Variants in YIF1A observed in about 807,000 individuals in gnomAD.
YIF1A encodes Yip1 interacting factor homolog A, membrane trafficking protein, also known as protein YIF1A.
A neutral mutation model predicts 32.6 loss-of-function variants in YIF1A; 28 were observed. The observed-to-expected ratio is 0.86, with a 90% CI of 0.64 to 1.18. The LOEUF (loss-of-function observed/expected upper bound fraction) is 1.18. YIF1A is among the 50% of genes most tolerant of loss of function. The pLI is 0.00. For synonymous variants in YIF1A, 175 were observed against 162.2 expected (o/e 1.08, Z -0.60); for missense variants, 373 against 390.8 (o/e 0.95, Z 0.38).
intron 4 of YIF1A, among the ~76,000 whole-genome samples, chr11:66,286,275 G>A (rs1278359006): frequency 3.3e-5 from 5 of 152,232 alleles, no homozygotes; most frequent in African/African-American, 1.2e-4. Flanking sequence ...GAGCCAGTGG[G>A]AGCCGGGCAT....
chr11:66,285,122 G>T, intron 6 of YIF1A, 156 bp from the exon 7 acceptor site: 1 of 886,996 alleles, frequency 1.1e-6, no homozygotes. Flanking sequence ...AAAGGGATAT[G>T]GAAGGCCCAG....
At chr11:66,287,292 C>T (rs1196412889) in intron 4 of YIF1A, 1 of 411,322 alleles carries the variant, frequency 2.4e-6, no homozygotes, top group Non-Finnish European at 4.5e-6. Flanking sequence ...AGCCTGAAAT[C>T]CCATAGCTGG....
At position 66,284,670 on chromosome 11, in the gene YIF1A, G is replaced by C; in HGVS notation, c.849C>G (p.Ile283Met). The change falls in exon 8 of 8, where the codon ATC (isoleucine) becomes ATG (methionine). Residue 283 changes from isoleucine to methionine, a missense_variant. By Grantham distance (10) the Ile-to-Met change is conservative. Coordinates refer to ENST00000376901, the MANE Select transcript of YIF1A (RefSeq NM_020470.3). The stretch of plus-strand genomic sequence containing the variant: ...CCAGGTGGAAAGTCAGCCAGTATAT[G>C]ATGAGGGGCTGGAAGGCTGCAGCTC... ...TLGAAAFQPL[I>M]IYWLTFHLVR 6.2e-7 allele frequency: 1 copy of C among 1,612,880 alleles called. No homozygotes were observed. Among genetic ancestry groups the C allele is most frequent in the Non-Finnish European group, 8.5e-7 (1 of 1,179,956 alleles).
intron 1 of YIF1A, 133 bp downstream of exon 1, chr11:66,288,822 C>G: frequency 9.3e-7 from 1 of 1,075,406 alleles, no homozygotes; most frequent in Non-Finnish European, 1.3e-6. Context: ...TGGAGTGTTA[C>G]GAGGGGCAGG....
intron 6 of YIF1A, 85 bp from the exon 7 acceptor site, chr11:66,285,051 T>G: frequency 7.3e-7 from 1 of 1,373,486 alleles, no homozygotes; most frequent in Non-Finnish European, 1.0e-6. Context: ...AGAGCCCAGC[T>G]AGACCCCACC....
intron 3 of YIF1A, 43 bp from the exon 4 acceptor site, chr11:66,287,719 G>A (rs1417990629): frequency 1.2e-6 from 2 of 1,610,580 alleles, no homozygotes; most frequent in East Asian, 2.2e-5. Flanking sequence ...AGGAGGGGAA[G>A]AAGAGAAAAG....
intron 5 of YIF1A, 36 bp from the exon 6 acceptor site, chr11:66,285,572 C>T: frequency 6.2e-7 from 1 of 1,612,340 alleles, no homozygotes; most frequent in Non-Finnish European, 8.5e-7. Context: ...AGCCAGGCAT[C>T]CTGAGGCAGG....
In YIF1A at chr11:66,289,111, C is replaced by T. The variant is rs1857415156; in HGVS notation, c.-126G>A. ...CCCGGCCGCGCGACACGTCCCCCAC[C>T]CCGCCGGTCTCGGCCACCATGTCCG... is the stretch of plus-strand genomic sequence containing the variant. On this transcript the variant is annotated 5_prime_UTR_variant, in exon 1 of 8. Transcript: ENST00000376901. 2 of 1,334,470 alleles carry T rather than the reference C, an allele frequency of 1.5e-6. No individual in the cohort carries two copies. The highest frequency in any genetic ancestry group is 3.2e-5 in the South Asian group (2 of 62,486). 82.7% of individuals were successfully genotyped at this position (1,334,470 alleles called of 1,614,324 possible). A position where few individuals can be genotyped will look rare whatever the true frequency, so the allele number is the denominator to read the frequency against.
chr11:66,288,963 C>G lies in YIF1A; in HGVS notation c.23G>C (p.Gly8Ala). Reference protein sequence around the residue: MAYHSGYGAHGSKHRARA... With the variant: MAYHSGYAAHGSKHRARA... The stretch of plus-strand genomic sequence containing the variant: ...GCCCGCGCCCCACGCACCGTGGGCT[C>G]CGTAGCCCGAGTGATAAGCCATGGC... The change falls in exon 1 of 8, where the codon GGA (glycine) becomes GCA (alanine). Residue 8 changes from glycine (G) to alanine (A), a missense_variant. Gly to Ala is a moderately conservative substitution (Grantham distance 60). Transcript: ENST00000376901. 6.4e-7 allele frequency: 1 copy of G among 1,565,942 alleles called. No homozygotes were observed. Among genetic ancestry groups the G allele is most frequent in the Non-Finnish European group, 8.6e-7 (1 of 1,164,730 alleles).
Position 66,287,353 on chromosome 11 carries a change from A to G in YIF1A, c.427+245T>C, listed in dbSNP as rs191038529. Reference sequence around the variant, plus strand: ...AGAGCTCCAGGCTGGGGAGGGATACAGTCCAAATCAAGAAACAGGAAGGTC... The same window carrying G: ...AGAGCTCCAGGCTGGGGAGGGATACGGTCCAAATCAAGAAACAGGAAGGTC... On this transcript the variant is annotated intron_variant, in intron 4 of 7. Transcript: ENST00000376901. The G allele has an allele frequency of 2.5e-3, 1,380 of 542,712 alleles. 15 individuals are homozygous for G. Among genetic ancestry groups the G allele is most frequent in the African/African-American group, 0.022 (1,184 of 52,972 alleles). 33.6% of individuals were successfully genotyped at this position (542,712 alleles called of 1,614,324 possible). A position where few individuals can be genotyped will look rare whatever the true frequency, so the allele number is the denominator to read the frequency against.
intron 6 of YIF1A, 160 bp downstream of exon 6, chr11:66,285,221 C>A: frequency 8.5e-7 from 1 of 1,177,016 alleles, no homozygotes; most frequent in Admixed American, 2.3e-5. Flanking sequence ...CTCTGCATGG[C>A]ACGCAGATCC....
rs770282588 is a variant in YIF1A, at chr11:66,284,634, G to C, written c.*3C>G. 1.1e-5 allele frequency: 18 copies of C among 1,612,700 alleles called. No individual in the cohort carries two copies. The highest frequency in any genetic ancestry group is 1.4e-5 in the Non-Finnish European group (17 of 1,179,864). On this transcript the variant is annotated 3_prime_UTR_variant, in exon 8 of 8. Transcript: ENST00000376901. ...AAACTCAGTGCCATCTGGGGCCAGG[G>C]GGTCACCGGACCAGGTGGAAAGTCA... is the stretch of plus-strand genomic sequence containing the variant.
rs769790846 is a variant in YIF1A, at chr11:66,284,874, A to C, written c.734T>G (p.Ile245Ser). 2.0e-5 allele frequency: 33 copies of C among 1,613,066 alleles called. No homozygotes were observed. In the Admixed American group the frequency reaches 5.5e-4, roughly 27 times the overall value. ...AWTSSALMYF[I>S]VRSLRTAALG... ...AATGGGGGGGTGCACCAGACTCACA[A>C]TGAAGTACATGAGCGCCGATGAGGT... The change falls in exon 7 of 8, where the codon ATT (isoleucine) becomes AGT (serine). Residue 245 changes from isoleucine (I) to serine (S), a missense_variant and splice_region_variant. Coordinates refer to ENST00000376901, the MANE Select transcript of YIF1A (RefSeq NM_020470.3).
Position 66,289,136 on chromosome 11 carries a change from G to T in YIF1A, c.-151C>A, listed in dbSNP as rs1179726735. The T allele has an allele frequency of 4.1e-6, 5 of 1,207,412 alleles. No individual in the cohort carries two copies. The highest frequency in any genetic ancestry group is 6.3e-5 in the East Asian group (2 of 31,668). The allele number at this position is 1,207,412 out of a possible 1,614,324, so 74.8% of individuals were successfully genotyped here. A position where few individuals can be genotyped will look rare whatever the true frequency, so the allele number is the denominator to read the frequency against. On this transcript the variant is annotated 5_prime_UTR_variant, in exon 1 of 8. Coordinates refer to ENST00000376901, the MANE Select transcript of YIF1A (RefSeq NM_020470.3). ...CCCGCCGGTCTCGGCCACCATGTCC[G>T]TGGCGTCATCCCCCGCGCCTGCCAT... is the stretch of plus-strand genomic sequence containing the variant.
intron 6 of YIF1A, 66 bp downstream of exon 6, chr11:66,285,315 A>G: frequency 6.4e-7 from 1 of 1,569,122 alleles, no homozygotes; most frequent in Non-Finnish European, 8.7e-7. Flanking sequence ...CCAGGGTCAC[A>G]GTTCGAGGCT....
In YIF1A at chr11:66,285,395, G is replaced by A. The variant is rs1465433780; in HGVS notation, c.627C>T (p.Gly209=). The part of the protein sequence containing the change: ...LSTFHLLAYS[G]YKYVGMILSV... ...CAAGTGCTCACCCCACGTATTTGTAGCCACTGTAGGCCAGCAGGTGAAAGG... is the reference window on the plus strand; with the variant it reads ...CAAGTGCTCACCCCACGTATTTGTAACCACTGTAGGCCAGCAGGTGAAAGG... Residue 209 remains glycine (G), a synonymous_variant, in exon 6 of 8, where the codon GGC becomes GGT. Transcript: ENST00000376901. The A allele has an allele frequency of 6.2e-7, 1 of 1,612,628 alleles. No individual in the cohort carries two copies. The highest frequency in any genetic ancestry group is 2.2e-5 in the East Asian group (1 of 44,860).
rs533758287 is a variant in YIF1A at position 66,287,792 on chromosome 11, T to A, written c.348+20A>T. 4 of 1,612,994 alleles carry A rather than the reference T, an allele frequency of 2.5e-6. No individual in the cohort carries two copies. In the East Asian group the frequency reaches 6.7e-5, roughly 27 times the overall value. Reference sequence around the variant, plus strand: ...GGCAGAATGAGGAAGGCCCACCAGCTCCCTTGGTAGGAAGCTCACCTGGTG... The same window carrying A: ...GGCAGAATGAGGAAGGCCCACCAGCACCCTTGGTAGGAAGCTCACCTGGTG... On this transcript the variant is annotated intron_variant, in intron 3 of 7. Coordinates refer to ENST00000376901, the MANE Select transcript of YIF1A (RefSeq NM_020470.3).
At chr11:66,287,108 T>G (rs1222885878) in intron 4 of YIF1A, 1 of 161,062 alleles carries the variant, frequency 6.2e-6, no homozygotes, top group Non-Finnish European at 1.4e-5. Context: ...GAAGAAGGGA[T>G]AACAGAGCAC....
intron 1 of YIF1A, 21 bp downstream of exon 1, chr11:66,288,934 C>G (rs1440126896): frequency 6.7e-7 from 1 of 1,481,590 alleles, no homozygotes; most frequent in African/African-American, 1.5e-5. Context: ...CCGCGCCGCG[C>G]CCCGCCCGCG....
Sources: gnomAD v4.1 joint callset for allele counts (sites outside exome capture counted in the v4.1 genomes callset) on GRCh38, gnomAD v4.1.1 for gene constraint, MANE v1.5 for transcripts, NCBI Gene and HGNC (gene_info 2026-07-23, HGNC 2026-07-21) for gene names.